The following MEGF6 variants were observed in gnomAD, a reference collection of about 807,000 sequenced individuals.
The protein encoded by MEGF6 is multiple EGF like domains 6.
MEGF6 carries 184 observed loss-of-function variants against 207.1 expected under a neutral mutation model. That is an observed-to-expected ratio of 0.89 (90% confidence interval 0.79 to 1.00). MEGF6 has a LOEUF of 1.00. MEGF6 is among the 50% of genes least tolerant of loss of function. MEGF6 has a pLI of 0.00. For synonymous variants in MEGF6, 1,038 were observed against 910.0 expected (o/e 1.14, Z -2.53); for missense variants, 2,282 against 2,202.9 (o/e 1.04, Z -0.72).
At chr1:3,598,763 A>T (rs1315578783) in intron 2 of MEGF6, among the ~76,000 whole-genome samples, 1 of 129,804 alleles carries the variant, frequency 7.7e-6, no homozygotes, top group Non-Finnish European at 1.6e-5. Flanking sequence ...TGCAGCCACC[A>T]GCTCACAGTG....
At chr1:3,568,392 T>C (rs1170319399) in intron 4 of MEGF6, among the ~76,000 whole-genome samples, 1 of 151,220 alleles carries the variant, frequency 6.6e-6, no homozygotes, top group African/African-American at 2.5e-5. Flanking sequence ...GGGGCTTCAG[T>C]AGTGGTCCTA....
chr1:3,549,246 C>G (rs1026213686), intron 4 of MEGF6, among the ~76,000 whole-genome samples: 1 of 152,208 alleles, frequency 6.6e-6, no homozygotes, highest in East Asian at 1.9e-4. Context: ...CAAGAAGCTG[C>G]AGGTGGACCG....
rs1397566529 is a variant in MEGF6 at position 3,594,135 on chromosome 1, G to A, written c.376+1203C>T. On this transcript the variant is annotated intron_variant, in intron 3 of 36. Transcript: ENST00000356575. This position sits in a 1 kb window ranked among gnomAD's most constrained non-coding sequence, Gnocchi z 4.2. ...AGCCCACTGTCCATTAAACCTCAAC[G>A]TGGAGCGTGCTGGCGGGACATGGTG... Among the ~76,000 whole-genome samples, 1 of 152,206 alleles carries A rather than the reference G, an allele frequency of 6.6e-6. No individual in the cohort carries two copies.
intron 3 of MEGF6, 73 bp downstream of exon 3, chr1:3,595,265 G>A: frequency 1.9e-6 from 2 of 1,057,812 alleles, no homozygotes; most frequent in Non-Finnish European, 2.9e-6. Context: ...CAGGCCCGGG[G>A]CAGATTCATG....
chr1:3,509,836 G>A, intron 11 of MEGF6, 34 bp downstream of exon 11: 2 of 1,522,970 alleles, frequency 1.3e-6, no homozygotes, highest in Non-Finnish European at 1.8e-6. Context: ...CGAGAAGGCA[G>A]AGGCCGGTGC....
At position 3,594,939 on chromosome 1, in the gene MEGF6, G is replaced by C. The variant is rs566913686; in HGVS notation, c.376+399C>G. Among the ~76,000 whole-genome samples, 1 of 151,896 alleles carries C rather than the reference G, an allele frequency of 6.6e-6. No individual in the cohort carries two copies. The highest frequency in any genetic ancestry group is 2.1e-4 in the South Asian group (1 of 4,788). On this transcript the variant is annotated intron_variant, in intron 3 of 36. Transcript: ENST00000356575. This position sits in a 1 kb window ranked among gnomAD's most constrained non-coding sequence, Gnocchi z 4.2. ...TTGGCCTTGGGAGAACACGGTATAGGGAAACAGGGCAGGGAGAGGGACTCA... is the reference window on the plus strand; with the variant it reads ...TTGGCCTTGGGAGAACACGGTATAGCGAAACAGGGCAGGGAGAGGGACTCA...
chr1:3,564,869 C>A (rs1483092838), intron 4 of MEGF6, among the ~76,000 whole-genome samples: 1 of 152,168 alleles, frequency 6.6e-6, no homozygotes, highest in Non-Finnish European at 1.5e-5. Flanking sequence ...CCCCGCCATC[C>A]CCACTACCAC....
chr1:3,533,678 C>T (rs771366372), intron 4 of MEGF6, among the ~76,000 whole-genome samples: 55 of 152,148 alleles, frequency 3.6e-4, no homozygotes, highest in Non-Finnish European at 6.6e-4. Context: ...GGCCACCCTG[C>T]GAGCGAGCTC....
chr1:3,501,244 G>T lies in MEGF6; in HGVS notation c.2379C>A (p.Ala793=). 2 of 1,610,700 alleles carry T rather than the reference G, an allele frequency of 1.2e-6. No homozygotes were observed. The highest frequency in any genetic ancestry group is 1.7e-6 in the Non-Finnish European group (2 of 1,179,202). The change falls in exon 19 of 37, where the codon GCC becomes GCA. Residue 793 remains alanine (A), a synonymous_variant. Transcript: ENST00000356575. ...QEICPACQHA[A]RCDPETGACL... The stretch of plus-strand genomic sequence containing the variant: ...AGGCTCCGGTCTCAGGGTCGCAGCG[G>T]GCAGCGTGCTGGCATGCTGGGCAGA...
chr1:3,514,624 T>C lies in MEGF6; in HGVS notation c.779A>G (p.Gln260Arg), dbSNP rs772407029. ...NRNGSCMHRC[Q>R]VVRGLARCEC... ...ACAGCGGGCGAGGCCCCGGACCACC[T>C]GGCACCTGTGCATGCAGCTGCCGTT... The change falls in exon 7 of 37, where the codon CAG (glutamine) becomes CGG (arginine). Residue 260 changes from glutamine (Q) to arginine (R), a missense_variant. Coordinates refer to ENST00000356575, the MANE Select transcript of MEGF6 (RefSeq NM_001409.4). 1.7e-5 allele frequency: 27 copies of C among 1,580,656 alleles called. No homozygotes were observed. The Admixed American group carries it at 4.6e-4, about 27-fold the overall frequency.
chr1:3,494,911 C>T (rs896075992), intron 30 of MEGF6, among the ~76,000 whole-genome samples, 170 bp from the exon 31 acceptor site: 5 of 152,254 alleles, frequency 3.3e-5, no homozygotes, highest in Admixed American at 2.0e-4. Flanking sequence ...CAGCCGCATC[C>T]TCTCATTCCT....
intron 4 of MEGF6, among the ~76,000 whole-genome samples, chr1:3,525,392 G>A (rs372172600): frequency 2.6e-5 from 4 of 152,298 alleles, no homozygotes; most frequent in Non-Finnish European, 4.4e-5. Context: ...GCCTCTCCCC[G>A]CATCTGCGCT....
At position 3,497,304 on chromosome 1, in the gene MEGF6, C is replaced by G. The variant is rs4648506; in HGVS notation, c.3410G>C (p.Gly1137Ala). 0.29 allele frequency: 449,280 copies of G among 1,549,058 alleles called. 66,749 individuals are homozygous for G. The highest frequency in any genetic ancestry group is 0.32 in the Admixed American group (15,064 of 47,006). Residue 1137 changes from glycine (G) to alanine (A), a missense_variant, in exon 27 of 37, where the codon GGC becomes GCC. Coordinates refer to ENST00000356575, the MANE Select transcript of MEGF6 (RefSeq NM_001409.4). ...ACAQRCSCPP[G>A]AACHHVTGAC... ...CCCAGTGACGTGGTGGCAGGCAGCG[C>G]CAGGCGGGCAGCTGCAGCGCTGGGC...
chr1:3,577,890 G>A (rs545814137), intron 4 of MEGF6, among the ~76,000 whole-genome samples: 1 of 152,350 alleles, frequency 6.6e-6, no homozygotes, highest in South Asian at 2.1e-4. Flanking sequence ...TGGACACTGA[G>A]CCTCCACGAG....
At chr1:3,575,318 TGG>T (rs2101723392) in intron 4 of MEGF6, among the ~76,000 whole-genome samples, 1 of 152,252 alleles carries the variant, frequency 6.6e-6, no homozygotes, top group East Asian at 1.9e-4. Flanking sequence ...GATACTCTGA[TGG>T]GACCCCAAAG....
chr1:3,576,240 C>T lies in MEGF6; in HGVS notation c.481+3585G>A, dbSNP rs573272981. On this transcript the variant is annotated intron_variant, in intron 4 of 36. Coordinates refer to ENST00000356575, the MANE Select transcript of MEGF6 (RefSeq NM_001409.4). Reference sequence around the variant, plus strand: ...GCTCCCACGGCTCCCGCTGCTTCTGCGGAAGGGCTCCCAGGGCCTCAGGGA... The same window carrying T: ...GCTCCCACGGCTCCCGCTGCTTCTGTGGAAGGGCTCCCAGGGCCTCAGGGA... 3.3e-5 allele frequency among the ~76,000 whole-genome samples: 5 copies of T among 152,362 alleles called. No homozygotes were observed. In the South Asian group the frequency reaches 6.2e-4, roughly 19 times the overall value.
chr1:3,614,280 A>C (rs1644360742), upstream of MEGF6, among the ~76,000 whole-genome samples: 1 of 152,192 alleles, frequency 6.6e-6, no homozygotes, highest in South Asian at 2.1e-4. Flanking sequence ...ACTGGAGGGC[A>C]TGGGTGTCAC....
intron 4 of MEGF6, among the ~76,000 whole-genome samples, chr1:3,526,216 C>A (rs763729498): frequency 2.6e-5 from 4 of 152,176 alleles, no homozygotes; most frequent in Non-Finnish European, 5.9e-5. Context: ...GCCAGTAGTG[C>A]CCCGGCCAGA....
intron 5 of MEGF6, among the ~76,000 whole-genome samples, chr1:3,520,762 A>T (rs1390109589): frequency 6.6e-6 from 1 of 152,174 alleles, no homozygotes. Context: ...TCTGATTTCC[A>T]TAAGATAATC....
Sources: allele counts gnomAD v4.1 joint callset (sites outside exome capture counted in the v4.1 genomes callset), GRCh38; gene constraint gnomAD v4.1.1; non-coding constraint Gnocchi (gnomAD v3.1); transcripts MANE v1.5; gene names NCBI Gene and HGNC (gene_info 2026-07-23, HGNC 2026-07-21).